The following SGCD variants were observed in gnomAD, a reference collection of about 807,000 sequenced individuals.
SGCD encodes sarcoglycan delta.
In SGCD, 18 loss-of-function variants were observed where a neutral mutation model predicts 36.6. That is an observed-to-expected ratio of 0.49 (90% CI 0.34 to 0.73). The LOEUF (loss-of-function observed/expected upper bound fraction) is 0.73. Among genes scored for constraint, SGCD ranks in the 30% least tolerant of loss-of-function variants. The pLI is 0.01. For synonymous variants in SGCD, 133 were observed against 130.6 expected, an observed-to-expected ratio of 1.02 and a Z score of -0.12; for missense variants, 387 against 346.7, an observed-to-expected ratio of 1.12 and a Z score of -0.92.
At chr5:156,301,793 GT>G (rs377253200) in intron 3 of SGCD, among the ~76,000 whole-genome samples, 101 of 143,122 alleles carry the variant, frequency 7.1e-4, no homozygotes, top group African/African-American at 1.2e-3. Context: ...TAGGATAAAA[GT>G]TTTTTTTTTT....
intron 3 of SGCD, among the ~76,000 whole-genome samples, chr5:156,307,555 G>GTTTTTTTTTTTTTTTTT (rs59481792): frequency 2.4e-5 from 1 of 41,146 alleles, no homozygotes; most frequent in East Asian, 1.8e-3. Flanking sequence ...TTTAACTGTT[G>GTTTTTTTTTTTTTTTTT]TTTTTTTTTT....
rs536103913 is a variant in SGCD at position 156,416,939 on chromosome 5, A to C, written c.192+72262A>C. Among the ~76,000 whole-genome samples, 5 of 152,300 alleles carry C rather than the reference A, an allele frequency of 3.3e-5. No homozygotes were observed. The South Asian group carries it at 1.0e-3, about 32-fold the overall frequency. ...TTTTTTTCTTCTTCTTAGATTATTA[A>C]TGAGGTTGAAGAATGTACAACTTTG... On this transcript the variant is annotated intron_variant, in intron 3 of 8. Coordinates refer to ENST00000337851, the MANE Select transcript of SGCD (RefSeq NM_000337.6).
chr5:156,058,169 A>G (rs979303258), intron 1 of SGCD, among the ~76,000 whole-genome samples: 2 of 146,066 alleles, frequency 1.4e-5, no homozygotes, highest in African/African-American at 4.9e-5. Flanking sequence ...ATCAAAACTG[A>G]TTCTGAGCAA....
intron 3 of SGCD, among the ~76,000 whole-genome samples, chr5:156,229,856 T>C (rs998875368): frequency 2.0e-5 from 3 of 152,264 alleles, no homozygotes; most frequent in Admixed American, 2.0e-4. Flanking sequence ...TGTTCATATT[T>C]TCTTATTCTT....
intron 2 of SGCD, among the ~76,000 whole-genome samples, chr5:156,340,342 G>A (rs552142222): frequency 6.6e-6 from 1 of 152,268 alleles, no homozygotes; most frequent in East Asian, 1.9e-4. Context: ...GACCATTGTA[G>A]GTCGTGTTTA....
At chr5:156,454,638 G>C (rs10476415) in intron 3 of SGCD, among the ~76,000 whole-genome samples, 5,364 of 152,202 alleles carry the variant, frequency 0.035, 335 homozygotes, top group African/African-American at 0.12. Context: ...TATACAAAAG[G>C]AAGAGTTCAT....
At chr5:156,063,620 T>A (rs1760289994) in intron 1 of SGCD, among the ~76,000 whole-genome samples, 2 of 42,336 alleles carry the variant, frequency 4.7e-5, no homozygotes, top group Non-Finnish European at 8.0e-5. Context: ...TGAGCAGTGG[T>A]TTGTAGTTCT....
At chr5:156,012,848 G>C (rs2127571187) in intron 1 of SGCD, among the ~76,000 whole-genome samples, 1 of 151,474 alleles carries the variant, frequency 6.6e-6, no homozygotes, top group South Asian at 2.1e-4. Context: ...TCCTGACCTC[G>C]TGATCTGCCT....
intron 3 of SGCD, among the ~76,000 whole-genome samples, chr5:156,152,183 A>G (rs1252114682): frequency 2.0e-5 from 3 of 151,660 alleles, no homozygotes; most frequent in African/African-American, 4.9e-5. Context: ...ATTTAATATT[A>G]CATTTGCTGG....
chr5:156,609,949 AT>A (rs1048201840), intron 6 of SGCD, among the ~76,000 whole-genome samples: 9 of 151,798 alleles, frequency 5.9e-5, no homozygotes, highest in African/African-American at 1.5e-4. Flanking sequence ...CATTTGTCTA[AT>A]TTTTTTTCGA....
At chr5:155,903,827 A>G (rs1317262824) in intron 1 of SGCD, among the ~76,000 whole-genome samples, 5 of 152,180 alleles carry the variant, frequency 3.3e-5, no homozygotes. Flanking sequence ...TTAAATACCT[A>G]GTTTCTTCCT....
intron 3 of SGCD, among the ~76,000 whole-genome samples, chr5:156,455,234 A>G (rs1754201879): frequency 6.6e-5 from 10 of 152,104 alleles, no homozygotes; most frequent in Admixed American, 5.9e-4. Flanking sequence ...TGCCCACACC[A>G]TGGTTGGGGC....
intron 7 of SGCD, among the ~76,000 whole-genome samples, chr5:156,713,134 G>A (rs1755067202): frequency 6.6e-6 from 1 of 152,080 alleles, no homozygotes; most frequent in Non-Finnish European, 1.5e-5. Flanking sequence ...TATTATGAGT[G>A]AGGAGATACT....
chr5:155,902,094 C>T (rs967801360), intron 1 of SGCD, among the ~76,000 whole-genome samples: 1 of 152,192 alleles, frequency 6.6e-6, no homozygotes, highest in Non-Finnish European at 1.5e-5. Flanking sequence ...CAAGGCCTAA[C>T]ATTCTAATTT....
intron 1 of SGCD, among the ~76,000 whole-genome samples, chr5:156,000,498 A>G (rs1490316563): frequency 6.6e-6 from 1 of 152,318 alleles, no homozygotes; most frequent in African/African-American, 2.4e-5. Context: ...TCAACTTTTA[A>G]AAGAAATTAG....
At chr5:156,480,727 T>A (rs1282104077) in intron 3 of SGCD, among the ~76,000 whole-genome samples, 1 of 152,222 alleles carries the variant, frequency 6.6e-6, no homozygotes, top group Non-Finnish European at 1.5e-5. Context: ...TGCTGGGTGC[T>A]TTACCTACTT....
intron 1 of SGCD, among the ~76,000 whole-genome samples, chr5:155,939,453 C>T (rs922456051): frequency 1.3e-5 from 2 of 151,728 alleles, no homozygotes; most frequent in African/African-American, 4.8e-5. Context: ...CAAGCCTGAC[C>T]GATATGGTGA....
intron 3 of SGCD, among the ~76,000 whole-genome samples, chr5:156,436,419 CAT>C (rs918996413): frequency 5.9e-5 from 9 of 152,190 alleles, no homozygotes; most frequent in Admixed American, 1.3e-4. Flanking sequence ...GTTGTCAAGT[CAT>C]ATAGTCAGAA....
At chr5:155,743,059 T>C in the SGCD span, among the ~76,000 whole-genome samples, 1 of 152,220 alleles carries the variant, frequency 6.6e-6, no homozygotes, top group Non-Finnish European at 1.5e-5. Flanking sequence ...TCTTCATGTG[T>C]TCAATCCTGA....
Sources: allele counts gnomAD v4.1 joint callset (sites outside exome capture counted in the v4.1 genomes callset), GRCh38; gene constraint gnomAD v4.1.1; transcripts MANE v1.5; gene names NCBI Gene and HGNC (gene_info 2026-07-23, HGNC 2026-07-21).